PROX2: variants seen among roughly 807,000 people sequenced by gnomAD.
PROX2 encodes the protein prospero homeobox 2, also known as prospero homeobox protein 2.
PROX2 carries 46 observed loss-of-function variants against 48.9 expected under a neutral mutation model. The observed-to-expected ratio is 0.94, with a 90% CI of 0.74 to 1.20. The LOEUF is 1.20. Among genes scored for constraint, PROX2 ranks in the 50% most tolerant of loss-of-function variants. The probability of loss-of-function intolerance (pLI) is 0.00; values close to 1 mark genes in which losing one functional copy is unlikely to be tolerated. For missense variants in PROX2, 663 were observed against 719.4 expected (o/e 0.92, Z 0.90); for synonymous variants, 260 against 276.6 (o/e 0.94, Z 0.60).
chr14:74,862,980 C>A lies in PROX2; in HGVS notation c.855G>T (p.Leu285Phe). Residue 285 changes from leucine to phenylalanine, a missense_variant, in exon 3 of 6, where the codon TTG becomes TTT. Leu to Phe is a conservative substitution (Grantham distance 22). Transcript: ENST00000556489. ...GCTGGACCCTCCTGGGCAAGGCAGC[C>A]AAAGCAAGTGGATCTTTACAGGCCC... ...VGGACKDPLA[L>F]AALPRRVQLQ... 6.2e-7 allele frequency: 1 copy of A among 1,613,962 alleles called. No individual in the cohort carries two copies. Among genetic ancestry groups the A allele is most frequent in the Non-Finnish European group, 8.5e-7 (1 of 1,179,876 alleles).
rs552665076 is a variant in PROX2 at position 74,868,689 on chromosome 14, T to G, written c.-175+2414A>C. Among the ~76,000 whole-genome samples the G allele has an allele frequency of 6.6e-5, 10 of 151,428 alleles. No homozygotes were observed. The East Asian group carries it at 1.8e-3, about 27-fold the overall frequency. On this transcript the variant is annotated intron_variant, in intron 2 of 5. Transcript: ENST00000556489. The stretch of plus-strand genomic sequence containing the variant: ...CTCTACTAAAAAAAATACAAAAAAT[T>G]AGCTGGGCATGGTGGCGGGCGCCTG...
intron 2 of PROX2, among the ~76,000 whole-genome samples, chr14:74,870,579 T>C (rs1883188803): frequency 6.6e-6 from 1 of 152,154 alleles, no homozygotes; most frequent in Non-Finnish European, 1.5e-5. Context: ...ATTTTCTAAA[T>C]TTTTAATGGA....
Position 74,855,076 on chromosome 14 carries a change from C to A in PROX2, c.*56G>T. Reference sequence around the variant, plus strand: ...CAGCTAAATTGCCCTTTAAGACAAACCCAGGAAACCCTAGCCAGTCACTCC... The same window carrying A: ...CAGCTAAATTGCCCTTTAAGACAAAACCAGGAAACCCTAGCCAGTCACTCC... On this transcript the variant is annotated 3_prime_UTR_variant, in exon 6 of 6. Transcript: ENST00000556489. 2 of 1,302,382 alleles carry A rather than the reference C, an allele frequency of 1.5e-6. No individual in the cohort carries two copies. Among genetic ancestry groups the A allele is most frequent in the Non-Finnish European group, 2.0e-6 (2 of 990,090 alleles). The allele number at this position is 1,302,382 out of a possible 1,614,324, so 80.7% of individuals were successfully genotyped here. A position where few individuals can be genotyped will look rare whatever the true frequency, so the allele number is the denominator to read the frequency against.
At chr14:74,857,298 G>A in intron 4 of PROX2, 1 of 242,364 alleles carries the variant, frequency 4.1e-6, no homozygotes, top group South Asian at 9.6e-5. Flanking sequence ...TAGGGGTCAC[G>A]ACCAGTGTGG....
intron 2 of PROX2, among the ~76,000 whole-genome samples, chr14:74,865,525 T>A (rs2140170897): frequency 6.6e-6 from 1 of 152,280 alleles, no homozygotes; most frequent in African/African-American, 2.4e-5. Flanking sequence ...TCCAACCACG[T>A]CACTTGCTTT....
At chr14:74,857,769 T>G (rs10130618) in intron 4 of PROX2, 14,361 of 90,684 alleles carry the variant, frequency 0.16, 963 homozygotes, top group African/African-American at 0.3. Flanking sequence ...TTTTTGTGTG[T>G]TTTTTTTTTT....
In PROX2 at chr14:74,863,238, G is replaced by A. The variant is rs754779808; in HGVS notation, c.597C>T (p.Asp199=). 3.5e-5 allele frequency: 56 copies of A among 1,613,910 alleles called. No individual in the cohort carries two copies. Among genetic ancestry groups the A allele is most frequent in the Non-Finnish European group, 4.7e-5 (55 of 1,179,842 alleles). ...CTTGGTGTTTTTCTGCCCCAGAGAG[G>A]TCCTTGCTGGTACCTTGCTGGTGGT... is the stretch of plus-strand genomic sequence containing the variant. The part of the protein sequence containing the change: ...DGDHQQGTSK[D]LSGAEKHQES... Residue 199 remains aspartate (D), a synonymous_variant, in exon 3 of 6, where the codon GAC becomes GAT. Coordinates refer to ENST00000556489, the MANE Select transcript of PROX2 (RefSeq NM_001243007.2).
intron 2 of PROX2, among the ~76,000 whole-genome samples, chr14:74,865,017 C>T (rs1401712337): frequency 2.7e-5 from 4 of 149,992 alleles, no homozygotes; most frequent in Non-Finnish European, 5.9e-5. Context: ...TGGTAGCATG[C>T]GCCTGTAATC....
At chr14:74,866,650 GT>G (rs1474125524) in intron 2 of PROX2, among the ~76,000 whole-genome samples, 1 of 152,208 alleles carries the variant, frequency 6.6e-6, no homozygotes, top group Non-Finnish European at 1.5e-5. Flanking sequence ...TTGATCAACA[GT>G]TTTGGTGGAG....
At position 74,855,277 on chromosome 14, in the gene PROX2, G is replaced by A. The variant is rs781628600; in HGVS notation, c.1634C>T (p.Ala545Val). 22 of 1,557,248 alleles carry A rather than the reference G, an allele frequency of 1.4e-5. No individual in the cohort carries two copies. The highest frequency in any genetic ancestry group is 1.9e-5 in the Non-Finnish European group (22 of 1,141,290). Residue 545 changes from alanine to valine, a missense_variant, in exon 6 of 6, where the codon GCC (alanine) becomes GTC (valine). Ala to Val is a moderately conservative substitution (Grantham distance 64). Coordinates refer to ENST00000556489, the MANE Select transcript of PROX2 (RefSeq NM_001243007.2). ...GAAGAACTCCTGTAACGTCAAGCTG[G>A]CAATTTCCAAGAAGCAATCTGGAAC... is the stretch of plus-strand genomic sequence containing the variant. Reference protein sequence around the residue: ...FEVPDCFLEIASLTLQEFFRA... With the variant: ...FEVPDCFLEIVSLTLQEFFRA...
intron 3 of PROX2, 58 bp from the exon 4 acceptor site, chr14:74,858,572 T>G (rs2091766055): frequency 3.4e-6 from 3 of 879,464 alleles, no homozygotes; most frequent in Non-Finnish European, 5.5e-6. Context: ...AATTAACTAG[T>G]GAATTCCTTG....
At chr14:74,868,661 C>T (rs1055125585) in intron 2 of PROX2, among the ~76,000 whole-genome samples, 4 of 151,306 alleles carry the variant, frequency 2.6e-5, no homozygotes, top group African/African-American at 7.3e-5. Context: ...AGTGAAACCC[C>T]GTCTCTACTA....
chr14:74,863,127 C>G lies in PROX2; in HGVS notation c.708G>C (p.Gln236His), dbSNP rs755923754. Residue 236 changes from glutamine to histidine, a missense_variant, in exon 3 of 6, where the codon CAG becomes CAC. By Grantham distance (24) the Gln-to-His change is conservative. Transcript: ENST00000556489. The stretch of plus-strand genomic sequence containing the variant: ...CCTTTTGTAATACCGAGTCCACAGC[C>G]TGGGACACTGCCCTGGTCAGCTCTT... ...LRKELTRAVSQAVDSVLQKVL... is the reference protein window; with the variant it reads ...LRKELTRAVSHAVDSVLQKVL... 6.2e-7 allele frequency: 1 copy of G among 1,614,050 alleles called. No individual in the cohort carries two copies.
At chr14:74,860,894 A>T (rs796745567) in intron 3 of PROX2, among the ~76,000 whole-genome samples, 29 of 152,184 alleles carry the variant, frequency 1.9e-4, no homozygotes, top group African/African-American at 6.8e-4. Flanking sequence ...GTGTTTTTGC[A>T]GCTGTCTGAA....
chr14:74,868,503 TC>T (rs1298440873), intron 2 of PROX2, among the ~76,000 whole-genome samples: 6 of 151,566 alleles, frequency 4.0e-5, no homozygotes, highest in Non-Finnish European at 5.9e-5. Flanking sequence ...TAACAAGTTC[TC>T]CTTTGATAGA....
Position 74,876,003 on chromosome 14 carries a change from G to A in PROX2, c.-418C>T, listed in dbSNP as rs1883335205. 6.6e-6 allele frequency among the ~76,000 whole-genome samples: 1 copy of A among 152,214 alleles called. No individual in the cohort carries two copies. The highest frequency in any genetic ancestry group is 2.1e-4 in the South Asian group (1 of 4,838). ...TCTTCACCAGCCCTGGGCAGACAGAGCCATGGTCAGGAAGTGCTTCTGGTT... is the reference window on the plus strand; with the variant it reads ...TCTTCACCAGCCCTGGGCAGACAGAACCATGGTCAGGAAGTGCTTCTGGTT... On this transcript the variant is annotated 5_prime_UTR_variant, in exon 1 of 6. Coordinates refer to ENST00000556489, the MANE Select transcript of PROX2 (RefSeq NM_001243007.2).
chr14:74,874,497 C>T (rs1883292609), intron 1 of PROX2, among the ~76,000 whole-genome samples: 3 of 151,800 alleles, frequency 2.0e-5, no homozygotes, highest in Admixed American at 2.0e-4. Flanking sequence ...GTAATCCACC[C>T]ACCTCGGCCT....
In PROX2 at chr14:74,854,605, C is replaced by T. The variant is rs568667289; in HGVS notation, c.*527G>A. 6.5e-6 allele frequency: 1 copy of T among 153,026 alleles called. No homozygotes were observed. The highest frequency in any genetic ancestry group is 1.5e-5 in the Non-Finnish European group (1 of 68,534). 9.5% of individuals were successfully genotyped at this position (153,026 alleles called of 1,614,324 possible). On this transcript the variant is annotated 3_prime_UTR_variant, in exon 6 of 6. Transcript: ENST00000556489. ...GTCATCTTTTAAATGATGATAATAA[C>T]TACTTTTCAGGGTGAAAAGCTTAAA...
intron 3 of PROX2, 74 bp from the exon 4 acceptor site, chr14:74,858,588 G>A: frequency 1.3e-6 from 1 of 792,578 alleles, no homozygotes; most frequent in South Asian, 1.7e-5. Context: ...CCTTGTTCCT[G>A]TGGTTTCTAT....
Sources: gnomAD v4.1 joint callset for allele counts (sites outside exome capture counted in the v4.1 genomes callset) on GRCh38, gnomAD v4.1.1 for gene constraint, MANE v1.5 for transcripts, NCBI Gene and HGNC (gene_info 2026-07-23, HGNC 2026-07-21) for gene names.